Variants in DPF3 observed in about 807,000 individuals in gnomAD.
DPF3 encodes double PHD fingers 3, also known as zinc finger protein DPF3.
Under a neutral mutation model 56.8 loss-of-function variants are expected in DPF3, and 18 were observed. That is an observed-to-expected ratio of 0.32 (90% CI 0.22 to 0.47). The LOEUF is 0.47. Among genes scored for constraint, DPF3 ranks in the 20% least tolerant of loss-of-function variants. The pLI is 1.00. For synonymous variants in DPF3, 188 were observed against 180.2 expected, an observed-to-expected ratio of 1.04 and a Z score of -0.35; for missense variants, 403 against 488.8, an observed-to-expected ratio of 0.82 and a Z score of 1.65.
intron 2 of DPF3, among the ~76,000 whole-genome samples, chr14:72,755,247 C>T (rs978715908): frequency 6.6e-6 from 1 of 152,198 alleles, no homozygotes; most frequent in East Asian, 1.9e-4. Context: ...GCAAAAGTGT[C>T]CACACTTGTC....
chr14:72,804,115 T>A (rs1460466002), intron 1 of DPF3, among the ~76,000 whole-genome samples: 1 of 151,226 alleles, frequency 6.6e-6, no homozygotes, highest in African/African-American at 2.4e-5. Flanking sequence ...AAATAAGGGA[T>A]GAGTGGGTAG....
intron 1 of DPF3, among the ~76,000 whole-genome samples, chr14:72,789,331 C>G (rs1433979279): frequency 2.0e-5 from 3 of 152,176 alleles, no homozygotes; most frequent in African/African-American, 4.8e-5. Context: ...GGAGCTCAGA[C>G]AGCTTCAGTC....
intron 8 of DPF3, among the ~76,000 whole-genome samples, chr14:72,634,089 A>G (rs1885310414): frequency 6.6e-6 from 1 of 152,192 alleles, no homozygotes; most frequent in South Asian, 2.1e-4. Flanking sequence ...AAAATGCAGG[A>G]CTAAGATGGG....
At chr14:72,881,620 C>T (rs1263230360) in intron 1 of DPF3, among the ~76,000 whole-genome samples, 5 of 152,088 alleles carry the variant, frequency 3.3e-5, no homozygotes. Flanking sequence ...ACAAATAAGG[C>T]AGATATAAAT....
intron 1 of DPF3, among the ~76,000 whole-genome samples, chr14:72,809,116 G>A (rs981304429): frequency 1.3e-5 from 2 of 152,208 alleles, no homozygotes; most frequent in African/African-American, 4.8e-5. Flanking sequence ...CTTCACACGT[G>A]TCTACTTTCC....
intron 1 of DPF3, among the ~76,000 whole-genome samples, chr14:72,789,524 AT>A (rs1388125917): frequency 1.3e-5 from 2 of 151,908 alleles, no homozygotes; most frequent in African/African-American, 4.8e-5. Flanking sequence ...TAAAATAATA[AT>A]TTTTTTTGAG....
chr14:72,757,708 T>C (rs1890895469), intron 2 of DPF3, among the ~76,000 whole-genome samples: 1 of 152,048 alleles, frequency 6.6e-6, no homozygotes, highest in Non-Finnish European at 1.5e-5. Context: ...AATCTAGAAA[T>C]GATTTAAGGA....
chr14:72,814,536 G>C (rs4479167), intron 1 of DPF3, among the ~76,000 whole-genome samples: 144,289 of 152,298 alleles, frequency 0.95, 68,447 homozygotes, highest in South Asian at 0.99. Context: ...TAACTTGAGC[G>C]GGGTGTGGTT....
chr14:72,718,489 G>A (rs1231461051), intron 5 of DPF3, among the ~76,000 whole-genome samples: 1 of 152,202 alleles, frequency 6.6e-6, no homozygotes, highest in Non-Finnish European at 1.5e-5. Flanking sequence ...CAGGCATCCA[G>A]TGGAGTCTTC....
At position 72,616,370 on chromosome 14, in the gene DPF3, C is replaced by T. The variant is rs988697002; in HGVS notation, c.*2927G>A. ...TACCTTCATTTTAAAGTCCCCAACC[C>T]CATGTACATCCCTCACCTCCACCCC... On this transcript the variant is annotated 3_prime_UTR_variant, in exon 11 of 11. Coordinates refer to ENST00000556509, the MANE Select transcript of DPF3 (RefSeq NM_001280542.3). 1.3e-5 allele frequency among the ~76,000 whole-genome samples: 2 copies of T among 152,162 alleles called. No individual in the cohort carries two copies. The highest frequency in any genetic ancestry group is 2.4e-5 in the African/African-American group (1 of 41,430).
chr14:72,794,853 C>T (rs925285477), intron 1 of DPF3, among the ~76,000 whole-genome samples: 1 of 152,122 alleles, frequency 6.6e-6, no homozygotes, highest in Non-Finnish European at 1.5e-5. Flanking sequence ...TCTAAGGGAG[C>T]AGTTTCTTCC....
At chr14:72,798,435 T>C (rs973650822) in intron 1 of DPF3, among the ~76,000 whole-genome samples, 1 of 152,176 alleles carries the variant, frequency 6.6e-6, no homozygotes, top group Non-Finnish European at 1.5e-5. Flanking sequence ...CATACATACA[T>C]ACATGTATGA....
Position 72,655,913 on chromosome 14 carries a change from T to C in DPF3, c.871+18327A>G, listed in dbSNP as rs536155916. Among the ~76,000 whole-genome samples, 3 of 152,312 alleles carry C rather than the reference T, an allele frequency of 2.0e-5. No homozygotes were observed. The South Asian group carries it at 6.2e-4, about 32-fold the overall frequency. ...CATCTAACCCATGCCCCCAACTCTA[T>C]GCAAGAGAAATGCTTGGCTATCAGT... On this transcript the variant is annotated intron_variant, in intron 8 of 10. Transcript: ENST00000556509.
chr14:72,713,271 T>G (rs548486453), intron 6 of DPF3, among the ~76,000 whole-genome samples: 2 of 152,190 alleles, frequency 1.3e-5, no homozygotes, highest in South Asian at 4.1e-4. Context: ...CAAATGGGAG[T>G]CATGGAGTTT....
intron 7 of DPF3, among the ~76,000 whole-genome samples, chr14:72,687,812 T>C: frequency 6.6e-6 from 1 of 152,134 alleles, no homozygotes; most frequent in East Asian, 1.9e-4. Context: ...CTGGAGAGCT[T>C]TGTAAGACCC....
intron 1 of DPF3, among the ~76,000 whole-genome samples, chr14:72,846,232 T>A (rs1884748934): frequency 6.6e-6 from 1 of 151,138 alleles, no homozygotes; most frequent in Non-Finnish European, 1.5e-5. Context: ...TGTCTCAGCC[T>A]CCCGAGTAGC....
intron 8 of DPF3, among the ~76,000 whole-genome samples, chr14:72,631,546 C>T (rs983486450): frequency 4.6e-5 from 7 of 152,126 alleles, no homozygotes; most frequent in African/African-American, 1.7e-4. Flanking sequence ...AGAGCATGAA[C>T]ATGAGGTCAT....
At chr14:72,894,032 A>G in intron 1 of DPF3, 25 bp downstream of exon 1, 1 of 1,609,616 alleles carries the variant, frequency 6.2e-7, no homozygotes, top group Non-Finnish European at 8.5e-7. Flanking sequence ...CACGCGGAAT[A>G]TGTACATTTT....
intron 8 of DPF3, among the ~76,000 whole-genome samples, chr14:72,656,798 G>A (rs1217304705): frequency 6.6e-6 from 1 of 152,192 alleles, no homozygotes; most frequent in East Asian, 1.9e-4. Flanking sequence ...CCCGCTGAAA[G>A]TTATCCTGAG....
Sources: allele counts gnomAD v4.1 joint callset (sites outside exome capture counted in the v4.1 genomes callset), GRCh38; gene constraint gnomAD v4.1.1; transcripts MANE v1.5; gene names NCBI Gene and HGNC (gene_info 2026-07-23, HGNC 2026-07-21).